The following MCU variants were observed in gnomAD, a reference collection of about 807,000 sequenced individuals.
MCU encodes the protein mitochondrial calcium uniporter.
A neutral mutation model predicts 45.2 loss-of-function variants in MCU; 12 were observed. That is an observed-to-expected ratio of 0.27 (90% CI 0.17 to 0.43). The LOEUF (loss-of-function observed/expected upper bound fraction) is 0.43, where lower values mean the gene tolerates loss of function less well. Ranked by LOEUF, MCU falls within the 20% of genes least tolerant of loss-of-function variation. The pLI, the probability that MCU is intolerant of heterozygous loss-of-function variation, is 1.00. For synonymous variants in MCU, 160 were observed against 165.1 expected (o/e 0.97, Z 0.24); for missense variants, 324 against 436.7 (o/e 0.74, Z 2.30).
intron 1 of MCU, among the ~76,000 whole-genome samples, chr10:72,788,008 C>T (rs558150280): frequency 3.9e-5 from 6 of 152,260 alleles, no homozygotes; most frequent in Admixed American, 6.5e-5. Context: ...TGAGCCACTG[C>T]GCCCGGCCTA....
intron 1 of MCU, among the ~76,000 whole-genome samples, chr10:72,705,848 G>A (rs938068240): frequency 1.3e-5 from 2 of 151,892 alleles, no homozygotes; most frequent in Admixed American, 1.3e-4. Context: ...GGGTGTGGGT[G>A]CACACGCCTG....
chr10:72,859,142 C>G, intron 2 of MCU, 35 bp from the exon 3 acceptor site: 1 of 1,518,576 alleles, frequency 6.6e-7, no homozygotes, highest in Non-Finnish European at 8.9e-7. Flanking sequence ...CATTGAAATC[C>G]AATTATCATA....
intron 1 of MCU, among the ~76,000 whole-genome samples, chr10:72,742,646 A>T (rs2132699161): frequency 6.6e-6 from 1 of 152,342 alleles, no homozygotes; most frequent in South Asian, 2.1e-4. Flanking sequence ...TAAGTCAAAC[A>T]TGTCTTGCCT....
intron 1 of MCU, among the ~76,000 whole-genome samples, chr10:72,828,592 G>A (rs1844832638): frequency 6.6e-6 from 1 of 152,074 alleles, no homozygotes; most frequent in Admixed American, 6.6e-5. Context: ...ATCCTCCCAA[G>A]TTTCTGGAAG....
In MCU at chr10:72,692,192, C is replaced by T. The variant is rs768011200; in HGVS notation, c.41C>T (p.Ser14Phe). Residue 14 changes from serine (S) to phenylalanine (F), a missense_variant, in exon 1 of 8, where the codon TCC becomes TTC. Around this residue, in one of 4 missense-constraint regions of MCU, gnomAD observed 111 missense variants for 112.3 expected, o/e 0.99. Coordinates refer to ENST00000373053, the MANE Select transcript of MCU (RefSeq NM_138357.3). ...AAGRSLLLLL[S>F]SRGGGGGGAG... ...GGTAGATCGCTCCTGCTGCTCCTCT[C>T]CTCTCGGGGCGGCGGCGGCGGGGGC... The T allele has an allele frequency of 2.4e-6, 3 of 1,271,092 alleles. No homozygotes were observed. The highest frequency in any genetic ancestry group is 3.1e-5 in the African/African-American group (2 of 65,008). The allele number at this position is 1,271,092 out of a possible 1,614,324, so 78.7% of individuals were successfully genotyped here.
Position 72,713,758 on chromosome 10 carries a change from G to C in MCU, c.150+21457G>C, listed in dbSNP as rs1842923176. On this transcript the variant is annotated intron_variant, in intron 1 of 7. Coordinates refer to ENST00000373053, the MANE Select transcript of MCU (RefSeq NM_138357.3). ...ATGAACCAGAATTTTTTTTAATTTA[G>C]TACTTCAAGGTTTCTAAATTTTGTA... is the stretch of plus-strand genomic sequence containing the variant. Among the ~76,000 whole-genome samples the C allele has an allele frequency of 5.3e-5, 8 of 151,932 alleles. No homozygotes were observed. In the South Asian group the frequency reaches 1.7e-3, roughly 32 times the overall value.
chr10:72,882,566 G>A (rs1025746053), intron 6 of MCU, among the ~76,000 whole-genome samples: 18 of 152,200 alleles, frequency 1.2e-4, no homozygotes, highest in South Asian at 8.3e-4. Context: ...CTCCCATAGC[G>A]CTCCCAGGCT....
chr10:72,882,310 A>G (rs944491224), intron 6 of MCU, among the ~76,000 whole-genome samples: 2 of 152,218 alleles, frequency 1.3e-5, no homozygotes, highest in African/African-American at 4.8e-5. Flanking sequence ...AAAGAACAAG[A>G]TAACAGCAAT....
chr10:72,730,975 A>T (rs1448492275), intron 1 of MCU: 1 of 152,156 alleles, frequency 6.6e-6, no homozygotes. Flanking sequence ...TTTTAGAGAG[A>T]TGGAGTTTTG....
chr10:72,791,973 C>G (rs1180995346), intron 1 of MCU, among the ~76,000 whole-genome samples: 1 of 152,014 alleles, frequency 6.6e-6, no homozygotes, highest in Non-Finnish European at 1.5e-5. Flanking sequence ...AGTTTGAATC[C>G]CAGCTCTTCC....
intron 1 of MCU, chr10:72,693,015 C>T (rs777047725): frequency 1.3e-6 from 2 of 1,536,100 alleles, no homozygotes; most frequent in Non-Finnish European, 1.7e-6. Context: ...AGCGTGTTCA[C>T]GCGTGCCTGA....
intron 6 of MCU, among the ~76,000 whole-genome samples, chr10:72,874,275 A>G (rs1398446291): frequency 1.3e-5 from 2 of 152,200 alleles, no homozygotes; most frequent in Admixed American, 6.5e-5. Flanking sequence ...GCCGTTTTAA[A>G]TATCTTGGAA....
At chr10:72,808,605 C>T (rs984740096) in intron 1 of MCU, among the ~76,000 whole-genome samples, 5 of 152,116 alleles carry the variant, frequency 3.3e-5, no homozygotes, top group African/African-American at 1.2e-4. Context: ...CGCATTAATC[C>T]GTTCTCACAT....
intron 3 of MCU, 134 bp from the exon 4 acceptor site, chr10:72,860,289 G>T: frequency 1.4e-6 from 1 of 691,960 alleles, no homozygotes; most frequent in Non-Finnish European, 2.4e-6. Flanking sequence ...GTTTGCATAG[G>T]AAATGAGGCA....
intron 2 of MCU, among the ~76,000 whole-genome samples, chr10:72,852,066 ACTT>A (rs1845215162): frequency 1.3e-5 from 2 of 152,138 alleles, no homozygotes; most frequent in Admixed American, 6.6e-5. Context: ...AACTCTCTCT[ACTT>A]CTTGATCTGT....
chr10:72,828,410 A>G (rs1844829133), intron 1 of MCU, among the ~76,000 whole-genome samples: 1 of 152,186 alleles, frequency 6.6e-6, no homozygotes, highest in Non-Finnish European at 1.5e-5. Context: ...AGATCCCAAG[A>G]TTTTCTTAAA....
chr10:72,747,533 A>G (rs1338314786), intron 1 of MCU, among the ~76,000 whole-genome samples: 4 of 152,218 alleles, frequency 2.6e-5, no homozygotes, highest in Non-Finnish European at 4.4e-5. Flanking sequence ...TTGGAAACAC[A>G]TAAAAACATA....
intron 1 of MCU, among the ~76,000 whole-genome samples, chr10:72,755,477 G>T (rs1263707581): frequency 2.0e-5 from 3 of 152,134 alleles, no homozygotes; most frequent in South Asian, 4.1e-4. Context: ...ATGTCTTTAA[G>T]CCTGGTGTGT....
At chr10:72,884,060 T>C (rs1359558790) in intron 6 of MCU, among the ~76,000 whole-genome samples, 1 of 152,194 alleles carries the variant, frequency 6.6e-6, no homozygotes, top group Non-Finnish European at 1.5e-5. Flanking sequence ...AGCATGTTCA[T>C]TGTGTGATGA....
Sources: allele counts gnomAD v4.1 joint callset (sites outside exome capture counted in the v4.1 genomes callset), GRCh38; gene constraint gnomAD v4.1.1; regional missense constraint gnomAD v4.1.1; transcripts MANE v1.5; gene names NCBI Gene and HGNC (gene_info 2026-07-23, HGNC 2026-07-21).